Variants in PLEKHG4B observed in about 807,000 individuals in gnomAD.
PLEKHG4B encodes the protein pleckstrin homology and RhoGEF domain containing G4B, also known as pleckstrin homology domain-containing family G member 4B.
A neutral mutation model predicts 121.3 loss-of-function variants in PLEKHG4B; 111 were observed. The ratio of observed to expected loss-of-function variants is 0.92; its 90% confidence interval spans 0.78 to 1.07. The LOEUF (loss-of-function observed/expected upper bound fraction) is 1.07, where lower values mean the gene tolerates loss of function less well. Ranked by LOEUF, PLEKHG4B falls within the 50% of genes least tolerant of loss-of-function variation. PLEKHG4B has a pLI of 0.00. For synonymous variants in PLEKHG4B, 738 were observed against 725.0 expected (o/e 1.02, Z -0.29); for missense variants, 1,831 against 1,757.8 (o/e 1.04, Z -0.74).
chr5:174,183 A>G (rs931228532), intron 18 of PLEKHG4B, 85 bp downstream of exon 18: 1 of 379,484 alleles, frequency 2.6e-6, no homozygotes, highest in Non-Finnish European at 3.5e-6. Context: ...GGTGAGAGCC[A>G]GGGGCTGAGT....
chr5:102,668 G>T (rs534830791), intron 1 of PLEKHG4B, among the ~76,000 whole-genome samples: 143 of 152,310 alleles, frequency 9.4e-4, no homozygotes, highest in African/African-American at 3.3e-3. Flanking sequence ...TTCCTGTATG[G>T]CCTGCAGAAC....
chr5:129,371 C>T (rs1450506029), intron 2 of PLEKHG4B, among the ~76,000 whole-genome samples: 2 of 152,208 alleles, frequency 1.3e-5, no homozygotes, highest in East Asian at 1.9e-4. Context: ...GAGCTTACCT[C>T]TTCCAACCAA....
At chr5:108,764 T>C (rs1421634664) in intron 1 of PLEKHG4B, among the ~76,000 whole-genome samples, 1 of 151,514 alleles carries the variant, frequency 6.6e-6, no homozygotes, top group Admixed American at 6.6e-5. Flanking sequence ...AGATGGCTGG[T>C]GTAGACAGAC....
At position 188,547 on chromosome 5, in the gene PLEKHG4B, T is replaced by C. The variant is rs1056191112; in HGVS notation, c.*6224T>C. 6.6e-6 allele frequency: 1 copy of C among 151,970 alleles called. No homozygotes were observed. The highest frequency in any genetic ancestry group is 6.5e-5 in the Admixed American group (1 of 15,270). The allele number at this position is 151,970 out of a possible 1,614,324, so 9.4% of individuals were successfully genotyped here. A position where few individuals can be genotyped will look rare whatever the true frequency, so the allele number is the denominator to read the frequency against. Reference sequence around the variant, plus strand: ...CATAGAGAATGTTTTCCACACCGCGTGTGAAATGACGAGAGCTTTTGTGTC... The same window carrying C: ...CATAGAGAATGTTTTCCACACCGCGCGTGAAATGACGAGAGCTTTTGTGTC... On this transcript the variant is annotated 3_prime_UTR_variant, in exon 20 of 20. Coordinates refer to ENST00000637938, the MANE Select transcript of PLEKHG4B (RefSeq NM_052909.5).
chr5:146,716 C>G (rs555421327), intron 6 of PLEKHG4B, among the ~76,000 whole-genome samples: 2 of 133,966 alleles, frequency 1.5e-5, no homozygotes, highest in African/African-American at 5.6e-5. Context: ...CCTGACCCTG[C>G]GGCCCTCCCT....
intron 6 of PLEKHG4B, among the ~76,000 whole-genome samples, chr5:147,343 C>A (rs748102865): frequency 6.6e-6 from 1 of 152,192 alleles, no homozygotes; most frequent in East Asian, 1.9e-4. Flanking sequence ...TGCACCACAG[C>A]ATGAGCATGA....
chr5:131,324 T>C (rs1734772603), intron 2 of PLEKHG4B, among the ~76,000 whole-genome samples: 1 of 152,196 alleles, frequency 6.6e-6, no homozygotes, highest in Non-Finnish European at 1.5e-5. Context: ...AGTGTTCTCA[T>C]TGTTCAATTC....
intron 6 of PLEKHG4B, among the ~76,000 whole-genome samples, chr5:146,620 C>A (rs1735426944): frequency 7.4e-6 from 1 of 135,510 alleles, no homozygotes; most frequent in Non-Finnish European, 1.6e-5. Context: ...TCCCCCAACC[C>A]TGCAGTTCTC....
chr5:162,884 G>A lies in PLEKHG4B; in HGVS notation c.2812G>A (p.Ala938Thr), dbSNP rs1265394731. 9.2e-6 allele frequency: 14 copies of A among 1,520,730 alleles called. No individual in the cohort carries two copies. Among genetic ancestry groups the A allele is most frequent in the South Asian group, 1.3e-5 (1 of 77,104 alleles). The allele number at this position is 1,520,730 out of a possible 1,614,324, so 94.2% of individuals were successfully genotyped here. Residue 938 changes from alanine (A) to threonine (T), a missense_variant, in exon 13 of 20, where the codon GCA (alanine) becomes ACA (threonine). Ala to Thr is a moderately conservative substitution (Grantham distance 58). Coordinates refer to ENST00000637938, the MANE Select transcript of PLEKHG4B (RefSeq NM_052909.5). ...LKPHALGKPW[A>T]SQQDLWLQYP... ...GCCTCATGCCCTGGGGAAACCGTGG[G>A]CATCACAGCAAGACCTGTGGCTGCA...
chr5:170,569 G>A (rs1372373229), intron 14 of PLEKHG4B, among the ~76,000 whole-genome samples: 1 of 152,134 alleles, frequency 6.6e-6, no homozygotes, highest in Non-Finnish European at 1.5e-5. Context: ...CAAAGTGCTG[G>A]GATTACAGGT....
Position 156,076 on chromosome 5 carries a change from C to G in PLEKHG4B, c.2214C>G (p.Val738=). 6.3e-7 allele frequency: 1 copy of G among 1,578,528 alleles called. No homozygotes were observed. The highest frequency in any genetic ancestry group is 8.6e-7 in the Non-Finnish European group (1 of 1,160,066). The change falls in exon 10 of 20, where the codon GTC becomes GTG. Residue 738 remains valine (V), a synonymous_variant. Coordinates refer to ENST00000637938, the MANE Select transcript of PLEKHG4B (RefSeq NM_052909.5). The surrounding 1 kb of genome is among the most constrained non-coding windows in gnomAD (Gnocchi z 4.4). ...TTCCTCCCCATCCCGTGCAGGAAGTCGCCGAGTTAATTGACCAGCATGAGA... is the reference window on the plus strand; with the variant it reads ...TTCCTCCCCATCCCGTGCAGGAAGTGGCCGAGTTAATTGACCAGCATGAGA... ...THRTPRTAQE[V]AELIDQHETM...
In PLEKHG4B at chr5:156,308, C is replaced by CGCTA; in HGVS notation, c.2348+98_2348+99insGCTA. 8.2e-7 allele frequency: 1 copy of CGCTA among 1,218,566 alleles called. No individual in the cohort carries two copies. The highest frequency in any genetic ancestry group is 1.1e-6 in the Non-Finnish European group (1 of 950,686). The allele number at this position is 1,218,566 out of a possible 1,614,324, so 75.5% of individuals were successfully genotyped here. ...GCGTAGCGCTCTGCTCCAAGGAGAG[C>CGCTA]CCCCTCTGTGCTTGGTCCAGACCTC... On this transcript the variant is annotated intron_variant, in intron 10 of 19. Coordinates refer to ENST00000637938, the MANE Select transcript of PLEKHG4B (RefSeq NM_052909.5). The surrounding 1 kb of genome is among the most constrained non-coding windows in gnomAD (Gnocchi z 4.4).
In PLEKHG4B at chr5:183,104, T is replaced by C. The variant is rs948982349; in HGVS notation, c.*781T>C. 2.0e-5 allele frequency: 3 copies of C among 152,190 alleles called. No homozygotes were observed. The highest frequency in any genetic ancestry group is 4.8e-5 in the African/African-American group (2 of 41,432). The allele number at this position is 152,190 out of a possible 1,614,324, so 9.4% of individuals were successfully genotyped here. ...TAGGAAAACTCCCAATCTGTGAGCATTAGGTGGAGTTCTCAGAAAATCTTG... is the reference window on the plus strand; with the variant it reads ...TAGGAAAACTCCCAATCTGTGAGCACTAGGTGGAGTTCTCAGAAAATCTTG... On this transcript the variant is annotated 3_prime_UTR_variant, in exon 20 of 20. Coordinates refer to ENST00000637938, the MANE Select transcript of PLEKHG4B (RefSeq NM_052909.5).
At position 157,105 on chromosome 5, in the gene PLEKHG4B, A is replaced by C; in HGVS notation, c.2487+194A>C. The stretch of plus-strand genomic sequence containing the variant: ...AAATTTTATTTTTTACGTGAGAGAT[A>C]CTGGATCAGTGGAGAAAAAAAATTT... On this transcript the variant is annotated intron_variant, in intron 11 of 19. Transcript: ENST00000637938. This position sits in a 1 kb window ranked among gnomAD's most constrained non-coding sequence, Gnocchi z 4.6. The C allele has an allele frequency of 1.2e-6, 1 of 845,674 alleles. No homozygotes were observed. The highest frequency in any genetic ancestry group is 1.7e-5 in the African/African-American group (1 of 58,840). The allele number at this position is 845,674 out of a possible 1,614,324, so 52.4% of individuals were successfully genotyped here.
chr5:135,485 G>A (rs1009229340), intron 2 of PLEKHG4B, among the ~76,000 whole-genome samples: 9 of 149,086 alleles, frequency 6.0e-5, no homozygotes, highest in African/African-American at 1.5e-4. Flanking sequence ...CTAACACAGT[G>A]AAACCCTGTC....
intron 5 of PLEKHG4B, 83 bp downstream of exon 5, chr5:143,586 G>T (rs1407254738): frequency 6.5e-7 from 1 of 1,548,674 alleles, no homozygotes; most frequent in African/African-American, 1.4e-5. Flanking sequence ...GCACGGGGAG[G>T]TGCCAGCTTC....
At chr5:133,929 C>G (rs1734850471) in intron 2 of PLEKHG4B, among the ~76,000 whole-genome samples, 1 of 146,864 alleles carries the variant, frequency 6.8e-6, no homozygotes, top group South Asian at 2.1e-4. Flanking sequence ...CACGCACACA[C>G]ACACACACAC....
In PLEKHG4B at chr5:159,487, T is replaced by C. The variant is rs1193154125; in HGVS notation, c.2488-2296T>C. 6.6e-6 allele frequency among the ~76,000 whole-genome samples: 1 copy of C among 152,180 alleles called. No homozygotes were observed. The highest frequency in any genetic ancestry group is 2.4e-5 in the African/African-American group (1 of 41,436). On this transcript the variant is annotated intron_variant, in intron 11 of 19. Coordinates refer to ENST00000637938, the MANE Select transcript of PLEKHG4B (RefSeq NM_052909.5). This position sits in a 1 kb window ranked among gnomAD's most constrained non-coding sequence, Gnocchi z 5.5. ...GTGTGCTGTCCTTGTAAGGTAGATT[T>C]TTCTCAGCTTTACCCTCTAACTCTA...
At chr5:136,358 G>A (rs1015062536) in intron 2 of PLEKHG4B, among the ~76,000 whole-genome samples, 1 of 152,068 alleles carries the variant, frequency 6.6e-6, no homozygotes, top group Admixed American at 6.6e-5. Context: ...CATAAAAAGG[G>A]CCTTATTGAT....
Sources: allele counts gnomAD v4.1 joint callset (sites outside exome capture counted in the v4.1 genomes callset), GRCh38; gene constraint gnomAD v4.1.1; non-coding constraint Gnocchi (gnomAD v3.1); transcripts MANE v1.5; gene names NCBI Gene and HGNC (gene_info 2026-07-23, HGNC 2026-07-21).